The following RABGAP1L variants were observed in gnomAD, a reference collection of about 807,000 sequenced individuals.
The protein encoded by RABGAP1L is rab GTPase-activating protein 1-like.
Under a neutral mutation model 137.7 loss-of-function variants are expected in RABGAP1L, and 63 were observed. The ratio of observed to expected loss-of-function variants is 0.46; its 90% confidence interval spans 0.37 to 0.56. The LOEUF is 0.56. Ranked by LOEUF, RABGAP1L falls within the 20% of genes least tolerant of loss-of-function variation. The pLI is 0.00. For missense variants in RABGAP1L, 1,095 were observed against 1,244.0 expected, an observed-to-expected ratio of 0.88 and a Z score of 1.80; for synonymous variants, 431 against 433.7, an observed-to-expected ratio of 0.99 and a Z score of 0.08.
intron 18 of RABGAP1L, among the ~76,000 whole-genome samples, chr1:174,801,642 T>G (rs564356626): frequency 6.6e-5 from 10 of 152,310 alleles, no homozygotes; most frequent in African/African-American, 2.2e-4. Flanking sequence ...TGTAGTTCCT[T>G]TGTCATTTAA....
intron 19 of RABGAP1L, among the ~76,000 whole-genome samples, chr1:174,896,207 T>G (rs1657137652): frequency 6.6e-6 from 1 of 152,258 alleles, no homozygotes; most frequent in Non-Finnish European, 1.5e-5. Flanking sequence ...TGATGAGCAT[T>G]TTTTCATGTG....
chr1:174,659,295 C>G (rs1274690410), intron 14 of RABGAP1L, among the ~76,000 whole-genome samples: 2 of 151,172 alleles, frequency 1.3e-5, no homozygotes, highest in Non-Finnish European at 2.9e-5. Context: ...ACTGATTCCT[C>G]TCTTCTTACT....
At chr1:174,477,781 T>C (rs911513280) in intron 13 of RABGAP1L, among the ~76,000 whole-genome samples, 20 of 152,194 alleles carry the variant, frequency 1.3e-4, no homozygotes, top group Non-Finnish European at 2.2e-4. Flanking sequence ...TTTGACTCTA[T>C]ACAAAATAAG....
At chr1:174,195,230 A>G (rs1448091774) in intron 1 of RABGAP1L, among the ~76,000 whole-genome samples, 1 of 152,202 alleles carries the variant, frequency 6.6e-6, no homozygotes, top group Non-Finnish European at 1.5e-5. Flanking sequence ...TCCAGAGGAA[A>G]GGGCTAAGTC....
At chr1:174,980,575 G>A (rs1403938190) in intron 23 of RABGAP1L, among the ~76,000 whole-genome samples, 1 of 152,198 alleles carries the variant, frequency 6.6e-6, no homozygotes, top group East Asian at 1.9e-4. Context: ...ATGTGCAAAG[G>A]CATGGAAGTA....
chr1:174,611,623 T>C (rs1203116451), intron 13 of RABGAP1L, among the ~76,000 whole-genome samples: 22 of 151,014 alleles, frequency 1.5e-4, no homozygotes, highest in African/African-American at 4.9e-4. Context: ...GGGGATGGCA[T>C]TGAATCTATA....
At chr1:174,408,424 G>A (rs1160145781) in intron 13 of RABGAP1L, among the ~76,000 whole-genome samples, 1 of 152,066 alleles carries the variant, frequency 6.6e-6, no homozygotes, top group Admixed American at 6.6e-5. Flanking sequence ...GCATAGTATT[G>A]TATGGTGTAT....
At chr1:174,707,939 C>CA (rs1680175290) in intron 17 of RABGAP1L, among the ~76,000 whole-genome samples, 1 of 152,154 alleles carries the variant, frequency 6.6e-6, no homozygotes, top group Non-Finnish European at 1.5e-5. Context: ...TTTCAGAAGA[C>CA]ATAAGGAAAA....
chr1:174,864,988 AC>A (rs917872381), intron 19 of RABGAP1L, among the ~76,000 whole-genome samples: 49 of 152,048 alleles, frequency 3.2e-4, no homozygotes, highest in African/African-American at 1.1e-3. Context: ...GTGGTGGCAC[AC>A]ACCTGTGGTC....
intron 25 of RABGAP1L, 67 bp from the exon 26 acceptor site, chr1:174,989,782 C>G (rs1574091561): frequency 6.6e-7 from 1 of 1,504,572 alleles, no homozygotes; most frequent in East Asian, 2.5e-5. Flanking sequence ...AAGCTGCACA[C>G]TTTTATTTAT....
At chr1:174,960,045 A>T (rs575662629) in intron 20 of RABGAP1L, among the ~76,000 whole-genome samples, 2 of 152,268 alleles carry the variant, frequency 1.3e-5, no homozygotes, top group South Asian at 4.1e-4. Context: ...ACTTGGGAAG[A>T]TCTTTGAGGG....
At chr1:174,850,020 A>G in intron 19 of RABGAP1L, 1 of 630,536 alleles carries the variant, frequency 1.6e-6, no homozygotes, top group Non-Finnish European at 2.9e-6. Context: ...CTCTCCCTTA[A>G]TTTCTGGATA....
At chr1:174,799,865 C>T in intron 18 of RABGAP1L, 1 of 987,632 alleles carries the variant, frequency 1.0e-6, no homozygotes, top group South Asian at 4.6e-5. Flanking sequence ...TCACAACTGC[C>T]CTGGCTTCCT....
chr1:174,288,889 CTTTG>C (rs904714095), intron 10 of RABGAP1L, among the ~76,000 whole-genome samples: 7 of 152,182 alleles, frequency 4.6e-5, no homozygotes, highest in South Asian at 2.1e-4. Flanking sequence ...TTTCTTCACT[CTTTG>C]TTTGTTTGTT....
intron 21 of RABGAP1L, among the ~76,000 whole-genome samples, chr1:174,971,822 T>A (rs1670155290): frequency 6.6e-6 from 1 of 152,164 alleles, no homozygotes; most frequent in African/African-American, 2.4e-5. Flanking sequence ...GAAAATCAGA[T>A]CTCTTAATTA....
intron 9 of RABGAP1L, among the ~76,000 whole-genome samples, chr1:174,276,981 C>G (rs1675055216): frequency 8.0e-6 from 1 of 125,294 alleles, no homozygotes; most frequent in Non-Finnish European, 1.6e-5. Flanking sequence ...TATAATGGAT[C>G]AGTTTGTTTT....
chr1:174,225,782 C>A (rs1044280554), intron 3 of RABGAP1L, among the ~76,000 whole-genome samples: 6 of 152,098 alleles, frequency 3.9e-5, no homozygotes, highest in Non-Finnish European at 8.8e-5. Context: ...AGAGTTTTTG[C>A]TGCTTTGTGC....
chr1:174,505,359 G>T (rs564254263), intron 13 of RABGAP1L, among the ~76,000 whole-genome samples: 12 of 151,912 alleles, frequency 7.9e-5, no homozygotes, highest in African/African-American at 2.9e-4. Context: ...AGAATATTTC[G>T]TTTACTCTAG....
At chr1:174,704,394 A>C (rs541817374) in intron 17 of RABGAP1L, among the ~76,000 whole-genome samples, 8 of 152,362 alleles carry the variant, frequency 5.3e-5, no homozygotes, top group African/African-American at 1.9e-4. Context: ...TAAAAATGTT[A>C]TTTCTCAGCC....
Sources: gnomAD v4.1 joint callset for allele counts (sites outside exome capture counted in the v4.1 genomes callset) on GRCh38, gnomAD v4.1.1 for gene constraint, MANE v1.5 for transcripts, NCBI Gene and HGNC (gene_info 2026-07-23, HGNC 2026-07-21) for gene names.